PRSS22: variants seen among roughly 807,000 people sequenced by gnomAD.
PRSS22 encodes serine protease 22.
In PRSS22, 26 loss-of-function variants were observed where a neutral mutation model predicts 28.0. The observed-to-expected ratio is 0.93, with a 90% CI of 0.68 to 1.29. The LOEUF (loss-of-function observed/expected upper bound fraction) is 1.29, where lower values mean the gene tolerates loss of function less well. PRSS22 is among the 50% of genes most tolerant of loss of function. The pLI is 0.00. For missense variants in PRSS22, 444 were observed against 422.1 expected, an observed-to-expected ratio of 1.05 and a Z score of -0.46; for synonymous variants, 217 against 177.9, an observed-to-expected ratio of 1.22 and a Z score of -1.75.
Position 2,858,115 on chromosome 16 carries a change from G to T in PRSS22, c.-11C>A. The T allele has an allele frequency of 7.9e-7, 1 of 1,260,144 alleles. No individual in the cohort carries two copies. The highest frequency in any genetic ancestry group is 1.0e-6 in the Non-Finnish European group (1 of 995,252). The allele number at this position is 1,260,144 out of a possible 1,614,324, so 78.1% of individuals were successfully genotyped here. ...TCCAGAAACCACCATGGCTGGTGGG[G>T]CGGGGGAGCAGGCAGCAGGCTCGAG... On this transcript the variant is annotated 5_prime_UTR_variant, in exon 1 of 6. Coordinates refer to ENST00000161006, the MANE Select transcript of PRSS22 (RefSeq NM_022119.4).
chr16:2,857,064 A>G, intron 1 of PRSS22: 4 of 597,346 alleles, frequency 6.7e-6, no homozygotes, highest in Non-Finnish European at 1.2e-5. Flanking sequence ...CTCAGCGCCC[A>G]GTGAGGAGGG....
In PRSS22 at chr16:2,855,666, C is replaced by T. The variant is rs146443197; in HGVS notation, c.467G>A (p.Arg156Gln). The T allele has an allele frequency of 1.9e-5, 31 of 1,614,038 alleles. No individual in the cohort carries two copies. Among genetic ancestry groups the T allele is most frequent in the African/African-American group, 5.3e-5 (4 of 74,906 alleles). Residue 156 changes from arginine to glutamine, a missense_variant, in exon 4 of 6, where the codon CGG becomes CAG. Physicochemically the swap from Arg to Gln is conservative, Grantham distance 43 (BLOSUM62 1). Coordinates refer to ENST00000161006, the MANE Select transcript of PRSS22 (RefSeq NM_022119.4). ...RLERSIQFSERVLPICLPDAS... is the reference protein window; with the variant it reads ...RLERSIQFSEQVLPICLPDAS... ...ATCAGGTAGGCAGATGGGCAGGACC[C>T]GCTCTGAGAACTGTATGGAGCGCTC... is the stretch of plus-strand genomic sequence containing the variant.
chr16:2,852,886 C>T lies in PRSS22; in HGVS notation c.*207G>A, dbSNP rs1596324937. 2.0e-6 allele frequency: 1 copy of T among 493,046 alleles called. No homozygotes were observed. The allele number at this position is 493,046 out of a possible 1,614,324, so 30.5% of individuals were successfully genotyped here. ...GGGGCGGGGACATGAGGCCGTTGGGCGGGGCCTGATGCCTTGGAGGCGGGG... is the reference window on the plus strand; with the variant it reads ...GGGGCGGGGACATGAGGCCGTTGGGTGGGGCCTGATGCCTTGGAGGCGGGG... On this transcript the variant is annotated 3_prime_UTR_variant, in exon 6 of 6. Coordinates refer to ENST00000161006, the MANE Select transcript of PRSS22 (RefSeq NM_022119.4).
At chr16:2,857,293 GC>G (rs1275686940) in intron 1 of PRSS22, 1 of 230,566 alleles carries the variant, frequency 4.3e-6, no homozygotes, top group Admixed American at 6.6e-5. Context: ...GCTCCCCAGC[GC>G]CCAGTGAGGA....
intron 4 of PRSS22, chr16:2,854,232 C>T: frequency 1.8e-6 from 1 of 568,104 alleles, no homozygotes; most frequent in East Asian, 2.9e-5. Context: ...GAATGTGAAA[C>T]CTAAGACCCT....
rs527898507 is a variant in PRSS22 at position 2,852,771 on chromosome 16, A to T, written c.*322T>A. 1.6e-3 allele frequency: 552 copies of T among 344,910 alleles called. 1 individual carries two copies. Among genetic ancestry groups the T allele is most frequent in the Admixed American group, 2.1e-3 (45 of 21,518 alleles). The allele number at this position is 344,910 out of a possible 1,614,324, so 21.4% of individuals were successfully genotyped here. A position where few individuals can be genotyped will look rare whatever the true frequency, so the allele number is the denominator to read the frequency against. ...TATTGAAATTGGAGGAATAAATAAGATATGTGGGCAGGGTTACAAATACCT... is the reference window on the plus strand; with the variant it reads ...TATTGAAATTGGAGGAATAAATAAGTTATGTGGGCAGGGTTACAAATACCT... On this transcript the variant is annotated 3_prime_UTR_variant, in exon 6 of 6. Transcript: ENST00000161006.
Position 2,853,328 on chromosome 16 carries a change from C to A in PRSS22, c.719G>T (p.Gly240Val), listed in dbSNP as rs768818604. 1 of 1,594,776 alleles carries A rather than the reference C, an allele frequency of 6.3e-7. No homozygotes were observed. The highest frequency in any genetic ancestry group is 1.1e-5 in the South Asian group (1 of 90,452). ...YLEGERDACL[G>V]DSGGPLMCQV... Reference sequence around the variant, plus strand: ...GCACATGAGGGGGCCCCCGGAGTCGCCCTGCAGAGAGGAGGCGAGGTTAGG... The same window carrying A: ...GCACATGAGGGGGCCCCCGGAGTCGACCTGCAGAGAGGAGGCGAGGTTAGG... The change falls in exon 6 of 6, where the codon GGC becomes GTC. Residue 240 changes from glycine to valine, a missense_variant and splice_region_variant. By Grantham distance (109) the Gly-to-Val change is moderately radical. Transcript: ENST00000161006. The surrounding 1 kb of genome is among the most constrained non-coding windows in gnomAD (Gnocchi z 4.6).
Position 2,856,825 on chromosome 16 carries a change from G to A in PRSS22, c.106C>T (p.Pro36Ser), listed in dbSNP as rs1318559589. The change falls in exon 2 of 6, where the codon CCT (proline) becomes TCT (serine). Residue 36 changes from proline (P) to serine (S), a missense_variant. Pro to Ser is a moderately conservative substitution (Grantham distance 74). Coordinates refer to ENST00000161006, the MANE Select transcript of PRSS22 (RefSeq NM_022119.4). ...STAILNAARI[P>S]VPPACGKPQQ... ...CAGAGCTGCCAGCTCCACTCACCAG[G>A]TATCCTGGCCGCATTGAGGATGGCT... is the stretch of plus-strand genomic sequence containing the variant. 1.3e-6 allele frequency: 2 copies of A among 1,552,014 alleles called. No homozygotes were observed. The highest frequency in any genetic ancestry group is 2.7e-5 in the African/African-American group (2 of 73,192).
rs1246029022 is a variant in PRSS22 at position 2,858,131 on chromosome 16, C to G, written c.-27G>C. 1 of 1,256,508 alleles carries G rather than the reference C, an allele frequency of 8.0e-7. No homozygotes were observed. Among genetic ancestry groups the G allele is most frequent in the African/African-American group, 1.5e-5 (1 of 64,590 alleles). 77.8% of individuals were successfully genotyped at this position (1,256,508 alleles called of 1,614,324 possible). The stretch of plus-strand genomic sequence containing the variant: ...GCTGGTGGGGCGGGGGAGCAGGCAG[C>G]AGGCTCGAGAGACCCAGGGCGATGC... On this transcript the variant is annotated 5_prime_UTR_variant, in exon 1 of 6. Coordinates refer to ENST00000161006, the MANE Select transcript of PRSS22 (RefSeq NM_022119.4).
In PRSS22 at chr16:2,857,211, GCTCCCCA is replaced by G. The variant is rs1268725443; in HGVS notation, c.83-370_83-364del. On this transcript the variant is annotated intron_variant, in intron 1 of 5. Coordinates refer to ENST00000161006, the MANE Select transcript of PRSS22 (RefSeq NM_022119.4). Reference sequence around the variant, plus strand: ...GGGTCCCCAGCGCCCAGTGAGGAGGGCTCCCCAGCGCCTAGTGAGGAGGGTTCCCCAG... The same window carrying G: ...GGGTCCCCAGCGCCCAGTGAGGAGGGGCGCCTAGTGAGGAGGGTTCCCCAG... 44 of 290,400 alleles carry G rather than the reference GCTCCCCA, an allele frequency of 1.5e-4. 1 individual carries two copies. Among genetic ancestry groups the G allele is most frequent in the Middle Eastern group, 1.2e-3 (1 of 848 alleles). 18.0% of individuals were successfully genotyped at this position (290,400 alleles called of 1,614,324 possible). A position where few individuals can be genotyped will look rare whatever the true frequency, so the allele number is the denominator to read the frequency against.
At chr16:2,856,405 C>A in intron 2 of PRSS22, 152 bp from the exon 3 acceptor site, 1 of 784,108 alleles carries the variant, frequency 1.3e-6, no homozygotes, top group Non-Finnish European at 2.0e-6. Flanking sequence ...CACTTGCACT[C>A]CAAGCTCCAC....
rs1281091641 is a variant in PRSS22, at chr16:2,853,146, C to T, written c.901G>A (p.Gly301Ser). The T allele has an allele frequency of 1.9e-6, 3 of 1,597,996 alleles. No homozygotes were observed. In the African/African-American group the frequency reaches 4.0e-5, roughly 21 times the overall value. ...GVQLRGRAQG[G>S]GALRAPSQGS... Reference sequence around the variant, plus strand: ...TGGCTCGGTGCCCTGAGGGCCCCACCCCCCTGAGCGCGCCCGCGGAGCTGC... The same window carrying T: ...TGGCTCGGTGCCCTGAGGGCCCCACTCCCCTGAGCGCGCCCGCGGAGCTGC... Residue 301 changes from glycine to serine, a missense_variant, in exon 6 of 6, where the codon GGT becomes AGT. Transcript: ENST00000161006. The surrounding 1 kb of genome is among the most constrained non-coding windows in gnomAD (Gnocchi z 4.6).
chr16:2,858,077 G>A lies in PRSS22; in HGVS notation c.28C>T (p.Leu10=). ...AAGGTGCCGAGACAGCCCCCACCCA[G>A]GGCTGGGGGCGCTCCAGAAACCACC... MVVSGAPPA[L]GGGCLGTFTS... The change falls in exon 1 of 6, where the codon CTG becomes TTG. Residue 10 remains leucine, a synonymous_variant. Transcript: ENST00000161006. 7.8e-7 allele frequency: 1 copy of A among 1,275,438 alleles called. No individual in the cohort carries two copies. Among genetic ancestry groups the A allele is most frequent in the Non-Finnish European group, 1.0e-6 (1 of 1,003,114 alleles). 79.0% of individuals were successfully genotyped at this position (1,275,438 alleles called of 1,614,324 possible). A position where few individuals can be genotyped will look rare whatever the true frequency, so the allele number is the denominator to read the frequency against.
At position 2,852,979 on chromosome 16, in the gene PRSS22, TAGAGG is replaced by T. The variant is rs1567288971; in HGVS notation, c.*109_*113del. 62 of 28,010 alleles carry T rather than the reference TAGAGG, an allele frequency of 2.2e-3. No homozygotes were observed. Among genetic ancestry groups the T allele is most frequent in the East Asian group, 0.014 (61 of 4,422 alleles). 1.7% of individuals were successfully genotyped at this position (28,010 alleles called of 1,614,324 possible). On this transcript the variant is annotated 3_prime_UTR_variant, in exon 6 of 6. Transcript: ENST00000161006. ...CAGCAGCCGTCCGGGCCCCCAGAGGTAGAGGTAGATGAGCCTATTTACGGCGGGGG... is the reference window on the plus strand; with the variant it reads ...CAGCAGCCGTCCGGGCCCCCAGAGGTTAGATGAGCCTATTTACGGCGGGGG...
intron 1 of PRSS22, 169 bp downstream of exon 1, chr16:2,857,854 C>G: frequency 2.1e-6 from 1 of 466,620 alleles, no homozygotes; most frequent in Non-Finnish European, 3.5e-6. Flanking sequence ...TTCATCCTCA[C>G]AGCCGTAGAA....
intron 3 of PRSS22, 60 bp from the exon 4 acceptor site, chr16:2,855,911 G>T (rs954634067): frequency 1.1e-4 from 172 of 1,565,230 alleles, no homozygotes; most frequent in Non-Finnish European, 1.4e-4. Flanking sequence ...GTACCTGGGG[G>T]AACAGCATGG....
chr16:2,857,959 G>T, intron 1 of PRSS22, 64 bp downstream of exon 1: 1 of 1,167,632 alleles, frequency 8.6e-7, no homozygotes, highest in Non-Finnish European at 1.1e-6. Flanking sequence ...AGAGAGGGAG[G>T]GAGGGAAGGA....
chr16:2,853,935 G>T lies in PRSS22; in HGVS notation c.647C>A (p.Ala216Glu). The change falls in exon 5 of 6, where the codon GCA (alanine) becomes GAA (glutamate). Residue 216 changes from alanine (A) to glutamate (E), a missense_variant. Physicochemically the swap from Ala to Glu is moderately radical, Grantham distance 107. Coordinates refer to ENST00000161006, the MANE Select transcript of PRSS22 (RefSeq NM_022119.4). The surrounding 1 kb of genome is among the most constrained non-coding windows in gnomAD (Gnocchi z 4.6). Reference protein sequence around the residue: ...EVCSHLYWRGAGQGPITEDML... With the variant: ...EVCSHLYWRGEGQGPITEDML... ...GTCCTCAGTGATGGGTCCCTGTCCT[G>T]CTCCCCGCCAGTACAGATGGCTGCA... is the stretch of plus-strand genomic sequence containing the variant. The T allele has an allele frequency of 1.2e-6, 2 of 1,614,034 alleles. No individual in the cohort carries two copies. Among genetic ancestry groups the T allele is most frequent in the East Asian group, 2.2e-5 (1 of 44,886 alleles).
chr16:2,854,069 G>C (rs1270403744), intron 4 of PRSS22, 47 bp from the exon 5 acceptor site: 1 of 1,606,954 alleles, frequency 6.2e-7, no homozygotes, highest in African/African-American at 1.3e-5. Context: ...TCCCCTCCTC[G>C]TTGCCTCCTC....
Sources: allele counts gnomAD v4.1 joint callset, GRCh38; gene constraint gnomAD v4.1.1; non-coding constraint Gnocchi (gnomAD v3.1); transcripts MANE v1.5; gene names NCBI Gene and HGNC (gene_info 2026-07-23, HGNC 2026-07-21).